The following NME8 variants were observed in gnomAD, a reference collection of about 807,000 sequenced individuals.
NME8 encodes the protein NME/NM23 family member 8, also known as protein NME8.
NME8 carries 72 observed loss-of-function variants against 82.3 expected under a neutral mutation model. That is an observed-to-expected ratio of 0.87 (90% confidence interval 0.72 to 1.06). The LOEUF is 1.06. NME8 is among the 50% of genes least tolerant of loss of function. NME8 has a pLI of 0.00. For synonymous variants in NME8, 267 were observed against 228.5 expected (o/e 1.17, Z -1.52); for missense variants, 712 against 685.4 (o/e 1.04, Z -0.43).
Position 37,884,303 on chromosome 7 carries a change from A to G in NME8, c.995A>G (p.Asp332Gly), listed in dbSNP as rs764183917. The change falls in exon 13 of 18, where the codon GAT (aspartate) becomes GGT (glycine). Residue 332 changes from aspartate (D) to glycine (G), a missense_variant and splice_region_variant. Coordinates refer to ENST00000199447, the MANE Select transcript of NME8 (RefSeq NM_016616.5). ...TTATTATGTAACTGTTTTTATTTAG[A>G]TGATGTTTTGCGTATTATTAAAGAT... ...LRPNLFHERK[D>G]DVLRIIKDED... 2.6e-6 allele frequency: 4 copies of G among 1,564,760 alleles called. No homozygotes were observed. The African/African-American group carries it at 4.1e-5, about 16-fold the overall frequency.
chr7:37,880,633 A>G (rs1303536189), intron 12 of NME8, among the ~76,000 whole-genome samples: 1 of 152,132 alleles, frequency 6.6e-6, no homozygotes, highest in Non-Finnish European at 1.5e-5. Flanking sequence ...TGGCCTTTTC[A>G]TATAAACTTG....
At chr7:37,879,134 A>ATT (rs933885116) in intron 12 of NME8, among the ~76,000 whole-genome samples, 54 of 151,346 alleles carry the variant, frequency 3.6e-4, no homozygotes, top group Middle Eastern at 3.4e-3. Flanking sequence ...CATTATATAT[A>ATT]TATATATTTG....
At chr7:37,870,375 G>A (rs764463261) in intron 11 of NME8, among the ~76,000 whole-genome samples, 2 of 152,026 alleles carry the variant, frequency 1.3e-5, no homozygotes, top group Non-Finnish European at 2.9e-5. Flanking sequence ...CAGATCATGA[G>A]GTCAGGAGAT....
chr7:37,888,182 G>C, intron 14 of NME8, 95 bp from the exon 15 acceptor site: 1 of 1,243,132 alleles, frequency 8.0e-7, no homozygotes, highest in Non-Finnish European at 1.2e-6. Flanking sequence ...GGAATTATTT[G>C]CTGTTATTTG....
At chr7:37,883,596 T>G (rs1172898604) in intron 12 of NME8, among the ~76,000 whole-genome samples, 1 of 152,220 alleles carries the variant, frequency 6.6e-6, no homozygotes, top group African/African-American at 2.4e-5. Flanking sequence ...CAAGATGACC[T>G]GCACAGCTCC....
At chr7:37,889,425 G>T (rs1562841354) in intron 15 of NME8, among the ~76,000 whole-genome samples, 1 of 150,570 alleles carries the variant, frequency 6.6e-6, no homozygotes, top group Non-Finnish European at 1.5e-5. Context: ...CTAGCTTTTT[G>T]AGTTGAATAT....
At chr7:37,875,898 A>G (rs980198084) in intron 11 of NME8, among the ~76,000 whole-genome samples, 5 of 152,126 alleles carry the variant, frequency 3.3e-5, no homozygotes, top group Non-Finnish European at 7.3e-5. Flanking sequence ...TTAAAAATAC[A>G]TATTCCATAA....
At chr7:37,884,599 C>G (rs1429562101) in intron 13 of NME8, 152 bp downstream of exon 13, 1 of 644,982 alleles carries the variant, frequency 1.6e-6, no homozygotes, top group African/African-American at 1.8e-5. Flanking sequence ...CCATCCCAAT[C>G]CTCTGCTCAC....
intron 11 of NME8, among the ~76,000 whole-genome samples, chr7:37,875,724 C>T (rs765126366): frequency 3.3e-5 from 5 of 151,144 alleles, no homozygotes; most frequent in Non-Finnish European, 5.9e-5. Flanking sequence ...GATAAAGACA[C>T]GATGTAGAAG....
At chr7:37,872,838 A>G (rs1165867317) in intron 11 of NME8, among the ~76,000 whole-genome samples, 1 of 152,170 alleles carries the variant, frequency 6.6e-6, no homozygotes, top group Non-Finnish European at 1.5e-5. Flanking sequence ...TGCCAATTGC[A>G]AGGGCTTACA....
In NME8 at chr7:37,865,528, A is replaced by G. The variant is rs756844391; in HGVS notation, c.532A>G (p.Thr178Ala). The G allele has an allele frequency of 6.2e-7, 1 of 1,609,218 alleles. No individual in the cohort carries two copies. Among genetic ancestry groups the G allele is most frequent in the African/African-American group, 1.3e-5 (1 of 74,958 alleles). The part of the protein sequence containing the change: ...KKVLEIKRKI[T>A]KAGFIIEAEH... The stretch of plus-strand genomic sequence containing the variant: ...TGACCTTACTCTCTAATTGAAGATT[A>G]CCAAAGCTGGATTTATTATAGAAGC... The change falls in exon 10 of 18, where the codon ACC (threonine) becomes GCC (alanine). Residue 178 changes from threonine (T) to alanine (A), a missense_variant. Physicochemically the swap from Thr to Ala is moderately conservative, Grantham distance 58 (BLOSUM62 0). Transcript: ENST00000199447.
chr7:37,884,440 A>G lies in NME8; in HGVS notation c.1132A>G (p.Met378Val). 1.2e-6 allele frequency: 2 copies of G among 1,610,846 alleles called. No individual in the cohort carries two copies. Among genetic ancestry groups the G allele is most frequent in the Non-Finnish European group, 1.7e-6 (2 of 1,177,302 alleles). The change falls in exon 13 of 18, where the codon ATG (methionine) becomes GTG (valine). Residue 378 changes from methionine to valine, a missense_variant. Met to Val is a conservative substitution (Grantham distance 21). Coordinates refer to ENST00000199447, the MANE Select transcript of NME8 (RefSeq NM_016616.5). ...EDYFNKLIEN[M>V]TSGPSLALVL... ...CTATTTTAATAAACTTATAGAAAACATGACCAGGTAGAATCCAGGTTGAGA... is the reference window on the plus strand; with the variant it reads ...CTATTTTAATAAACTTATAGAAAACGTGACCAGGTAGAATCCAGGTTGAGA...
At chr7:37,871,523 G>T (rs1039117300) in intron 11 of NME8, among the ~76,000 whole-genome samples, 6 of 152,124 alleles carry the variant, frequency 3.9e-5, no homozygotes, top group Non-Finnish European at 5.9e-5. Context: ...GTAGTAACTG[G>T]CAGAGTCTTC....
At chr7:37,871,720 A>C (rs1215888442) in intron 11 of NME8, among the ~76,000 whole-genome samples, 1 of 152,194 alleles carries the variant, frequency 6.6e-6, no homozygotes, top group Non-Finnish European at 1.5e-5. Context: ...ACTATATTGT[A>C]TTCCTCTGTC....
At chr7:37,850,856 C>T (rs1295204475) in intron 5 of NME8, 121 bp downstream of exon 5, 1 of 698,006 alleles carries the variant, frequency 1.4e-6, no homozygotes, top group East Asian at 2.7e-5. Flanking sequence ...AATAGATAGT[C>T]TTTACTTGGC....
chr7:37,850,524 C>G lies in NME8; in HGVS notation c.91+89C>G, dbSNP rs1583623706. 5 of 1,544,902 alleles carry G rather than the reference C, an allele frequency of 3.2e-6. No homozygotes were observed. The East Asian group carries it at 1.1e-4, about 35-fold the overall frequency. On this transcript the variant is annotated intron_variant, in intron 4 of 17. Transcript: ENST00000199447. ...GTCCCTCTAGAGTCCCCACTTTGACCAAGAAATCCTGCAGTGCCTTTGCCC... is the reference window on the plus strand; with the variant it reads ...GTCCCTCTAGAGTCCCCACTTTGACGAAGAAATCCTGCAGTGCCTTTGCCC...
At chr7:37,863,043 C>G (rs952597953) in intron 7 of NME8, among the ~76,000 whole-genome samples, 1 of 151,988 alleles carries the variant, frequency 6.6e-6, no homozygotes, top group Non-Finnish European at 1.5e-5. Context: ...TCGCTTGAAC[C>G]CAGGAGGCAG....
chr7:37,874,940 C>T (rs991399446), intron 11 of NME8, among the ~76,000 whole-genome samples: 5 of 151,894 alleles, frequency 3.3e-5, no homozygotes, highest in African/African-American at 1.2e-4. Flanking sequence ...TTAATATCAC[C>T]AATAATGGGA....
intron 2 of NME8, among the ~76,000 whole-genome samples, chr7:37,849,451 G>A (rs1482480367): frequency 6.6e-6 from 1 of 152,084 alleles, no homozygotes; most frequent in Non-Finnish European, 1.5e-5. Flanking sequence ...AGATAGTGTG[G>A]CAGCTATAAG....
Sources: gnomAD v4.1 joint callset for allele counts (sites outside exome capture counted in the v4.1 genomes callset) on GRCh38, gnomAD v4.1.1 for gene constraint, MANE v1.5 for transcripts, NCBI Gene and HGNC (gene_info 2026-07-23, HGNC 2026-07-21) for gene names.